The following ADAM7 variants were observed in gnomAD, a reference collection of about 807,000 sequenced individuals.
The protein encoded by ADAM7 is disintegrin and metalloproteinase domain-containing protein 7.
Under a neutral mutation model 102.9 loss-of-function variants are expected in ADAM7, and 97 were observed. The observed-to-expected ratio is 0.94, with a 90% CI of 0.80 to 1.12. The LOEUF (loss-of-function observed/expected upper bound fraction) is 1.12. Ranked by LOEUF, ADAM7 falls within the 50% of genes most tolerant of loss-of-function variation. ADAM7 has a pLI of 0.00. For missense variants in ADAM7, 991 were observed against 908.7 expected, an observed-to-expected ratio of 1.09 and a Z score of -1.16; for synonymous variants, 334 against 304.4, an observed-to-expected ratio of 1.10 and a Z score of -1.01.
intron 3 of ADAM7, among the ~76,000 whole-genome samples, chr8:24,453,353 T>G (rs900865814): frequency 1.3e-5 from 2 of 152,138 alleles, no homozygotes; most frequent in East Asian, 1.9e-4. Context: ...CTCATTTCTT[T>G]TTATTCTTTT....
chr8:24,467,723 C>T (rs575217277), intron 6 of ADAM7: 1 of 152,178 alleles, frequency 6.6e-6, no homozygotes, highest in African/African-American at 2.4e-5. Context: ...CGCATGCACA[C>T]TGAAAGCTGA....
At chr8:24,452,575 G>A (rs554623864) in intron 3 of ADAM7, among the ~76,000 whole-genome samples, 1 of 151,420 alleles carries the variant, frequency 6.6e-6, no homozygotes, top group Non-Finnish European at 1.5e-5. Context: ...CCTGAATACA[G>A]CACACTGATG....
At position 24,482,159 on chromosome 8, in the gene ADAM7, C is replaced by T; in HGVS notation, c.723C>T (p.Asn241=). 4 of 1,582,588 alleles carry T rather than the reference C, an allele frequency of 2.5e-6. No individual in the cohort carries two copies. The highest frequency in any genetic ancestry group is 3.4e-6 in the Non-Finnish European group (4 of 1,170,668). Reference sequence around the variant, plus strand: ...TTGAACAGATTTATAAAACCTTAAACATCCATGTGACGTTGGTTGGCATTG... The same window carrying T: ...TTGAACAGATTTATAAAACCTTAAATATCCATGTGACGTTGGTTGGCATTG... ...NFVNMIYKTL[N]IHVTLVGIEI... Residue 241 remains asparagine, a synonymous_variant, in exon 9 of 22, where the codon AAC becomes AAT. Coordinates refer to ENST00000175238, the MANE Select transcript of ADAM7 (RefSeq NM_003817.4).
At chr8:24,441,698 G>A (rs1157477116) in intron 1 of ADAM7, among the ~76,000 whole-genome samples, 5 of 152,184 alleles carry the variant, frequency 3.3e-5, no homozygotes, top group African/African-American at 1.2e-4. Context: ...ATTATGGTTG[G>A]CACTGATGCA....
chr8:24,499,548 T>G (rs967295141), intron 17 of ADAM7, among the ~76,000 whole-genome samples: 2 of 152,110 alleles, frequency 1.3e-5, no homozygotes, highest in Non-Finnish European at 2.9e-5. Flanking sequence ...GCTTTCATTA[T>G]TGTACTGGTT....
intron 16 of ADAM7, 81 bp from the exon 17 acceptor site, chr8:24,499,155 A>G: frequency 9.7e-7 from 1 of 1,031,440 alleles, no homozygotes; most frequent in Non-Finnish European, 1.4e-6. Flanking sequence ...AAAATTGTGC[A>G]CTTCACATGC....
chr8:24,506,265 A>C, intron 20 of ADAM7: 1 of 868,178 alleles, frequency 1.2e-6, no homozygotes, highest in Non-Finnish European at 1.8e-6. Flanking sequence ...ATAATATAAC[A>C]TCGATAGCTC....
At chr8:24,501,917 C>T (rs747310864) in intron 20 of ADAM7, among the ~76,000 whole-genome samples, 6 of 152,050 alleles carry the variant, frequency 3.9e-5, no homozygotes, top group Non-Finnish European at 8.8e-5. Context: ...CTGAGCTGGG[C>T]GCAGTGGCTC....
chr8:24,466,664 A>G (rs1819435738), intron 5 of ADAM7, 135 bp from the exon 6 acceptor site: 1 of 686,186 alleles, frequency 1.5e-6, no homozygotes, highest in Non-Finnish European at 2.4e-6. Flanking sequence ...ACATTTCCTT[A>G]CCACTGAAAG....
chr8:24,502,930 A>G (rs111365257), intron 20 of ADAM7, among the ~76,000 whole-genome samples: 11 of 152,212 alleles, frequency 7.2e-5, no homozygotes, highest in African/African-American at 2.6e-4. Flanking sequence ...AAAAAGCACT[A>G]CTAACTAATA....
intron 3 of ADAM7, among the ~76,000 whole-genome samples, chr8:24,462,256 C>T (rs1819269536): frequency 6.6e-6 from 1 of 152,120 alleles, no homozygotes; most frequent in South Asian, 2.1e-4. Context: ...TGTCATAGTT[C>T]AGGGAAAATT....
At chr8:24,493,298 G>A (rs1163818805) in intron 16 of ADAM7, 69 bp downstream of exon 16, 2 of 1,383,928 alleles carry the variant, frequency 1.4e-6, no homozygotes, top group Non-Finnish European at 9.6e-7. Context: ...ACTGGATACT[G>A]TAATTGCTTC....
At chr8:24,470,490 A>G (rs1254667686) in intron 7 of ADAM7, among the ~76,000 whole-genome samples, 3 of 152,162 alleles carry the variant, frequency 2.0e-5, no homozygotes, top group South Asian at 4.1e-4. Flanking sequence ...AAAAAGACCA[A>G]TCCAACAGAA....
chr8:24,501,678 A>G, intron 20 of ADAM7, 102 bp downstream of exon 20: 1 of 749,824 alleles, frequency 1.3e-6, no homozygotes, highest in Non-Finnish European at 2.1e-6. Context: ...TGACATGGGA[A>G]GTGCAGAGGA....
At chr8:24,480,640 T>C (rs1819917505) in intron 8 of ADAM7, among the ~76,000 whole-genome samples, 1 of 152,170 alleles carries the variant, frequency 6.6e-6, no homozygotes, top group Admixed American at 6.6e-5. Context: ...TTGTGTGTAG[T>C]TTTGTAAACG....
At chr8:24,494,444 A>C (rs1234383881) in intron 16 of ADAM7, among the ~76,000 whole-genome samples, 5 of 151,596 alleles carry the variant, frequency 3.3e-5, no homozygotes, top group Non-Finnish European at 7.4e-5. Context: ...AGATACGAAA[A>C]ACCAGCCTGA....
intron 18 of ADAM7, 108 bp from the exon 19 acceptor site, chr8:24,500,682 G>C (rs1820728381): frequency 6.2e-6 from 5 of 809,450 alleles, no homozygotes; most frequent in Non-Finnish European, 9.7e-6. Context: ...GAGAATTGAA[G>C]TTCTATAGAA....
At chr8:24,447,793 A>G (rs1032981876) in intron 3 of ADAM7, among the ~76,000 whole-genome samples, 16 of 152,154 alleles carry the variant, frequency 1.1e-4, no homozygotes, top group South Asian at 6.2e-4. Flanking sequence ...TTGTTTTTCC[A>G]CTGGGCCATT....
At position 24,509,117 on chromosome 8, in the gene ADAM7, G is replaced by T. The variant is rs1289945351; in HGVS notation, c.*571G>T. Reference sequence around the variant, plus strand: ...CTGCAGGATAGTCCTTAAAATAATGGTGGTGGGAAAGGAAAACACAGAATG... The same window carrying T: ...CTGCAGGATAGTCCTTAAAATAATGTTGGTGGGAAAGGAAAACACAGAATG... On this transcript the variant is annotated 3_prime_UTR_variant, in exon 22 of 22. Coordinates refer to ENST00000175238, the MANE Select transcript of ADAM7 (RefSeq NM_003817.4). 1 of 985,334 alleles carries T rather than the reference G, an allele frequency of 1.0e-6. No individual in the cohort carries two copies. Among genetic ancestry groups the T allele is most frequent in the Non-Finnish European group, 1.2e-6 (1 of 829,968 alleles). 61.0% of individuals were successfully genotyped at this position (985,334 alleles called of 1,614,324 possible). A position where few individuals can be genotyped will look rare whatever the true frequency, so the allele number is the denominator to read the frequency against.
Sources: allele counts gnomAD v4.1 joint callset (sites outside exome capture counted in the v4.1 genomes callset), GRCh38; gene constraint gnomAD v4.1.1; transcripts MANE v1.5; gene names NCBI Gene and HGNC (gene_info 2026-07-23, HGNC 2026-07-21).